Variants in FBP2 observed in about 807,000 individuals in gnomAD.
FBP2 encodes fructose-1,6-bisphosphatase isozyme 2.
In FBP2, 27 loss-of-function variants were observed where a neutral mutation model predicts 31.6. The observed-to-expected ratio is 0.85, with a 90% CI of 0.63 to 1.18. The LOEUF is 1.18. Ranked by LOEUF, FBP2 falls within the 50% of genes most tolerant of loss-of-function variation. The pLI, the probability that FBP2 is intolerant of heterozygous loss-of-function variation, is 0.00. For missense variants in FBP2, 421 were observed against 436.1 expected (o/e 0.97, Z 0.31); for synonymous variants, 168 against 179.8 (o/e 0.93, Z 0.53).
chr9:94,561,393 C>T, intron 6 of FBP2, among the ~76,000 whole-genome samples: 1 of 110,222 alleles, frequency 9.1e-6, no homozygotes, highest in Non-Finnish European at 1.7e-5. Context: ...GATGGAATCT[C>T]ACTCTGTCAC....
Position 94,584,598 on chromosome 9 carries a change from G to T in FBP2, c.405C>A (p.Thr135=), listed in dbSNP as rs1827405755. 3 of 1,612,092 alleles carry T rather than the reference G, an allele frequency of 1.9e-6. No individual in the cohort carries two copies. The highest frequency in any genetic ancestry group is 2.5e-6 in the Non-Finnish European group (3 of 1,178,276). The part of the protein sequence containing the change: ...SNIDCLASIG[T]IFAIYRKTSE... Reference sequence around the variant, plus strand: ...TCACCTTTCTATAGATGGCAAAGATGGTTCCGATGGAGGCCAGGCAGTCAA... The same window carrying T: ...TCACCTTTCTATAGATGGCAAAGATTGTTCCGATGGAGGCCAGGCAGTCAA... Residue 135 remains threonine (T), a synonymous_variant, in exon 3 of 7, where the codon ACC becomes ACA. Transcript: ENST00000375337.
rs748384122 is a variant in FBP2, at chr9:94,559,070, C to T, written c.888G>A (p.Ala296=). 10 of 1,613,932 alleles carry T rather than the reference C, an allele frequency of 6.2e-6. No homozygotes were observed. The highest frequency in any genetic ancestry group is 4.5e-5 in the East Asian group (2 of 44,872). ...CCAGTACAGGCTGGGTCCCCGTGGT[C>T]GCCAAGCCTCCTGCCTGCTCAATGA... ...AYIIEQAGGL[A]TTGTQPVLDV... Residue 296 remains alanine (A), a synonymous_variant, in exon 7 of 7, where the codon GCG becomes GCA. Coordinates refer to ENST00000375337, the MANE Select transcript of FBP2 (RefSeq NM_003837.4).
intron 2 of FBP2, 36 bp from the exon 3 acceptor site, chr9:94,584,705 A>C: frequency 7.8e-7 from 1 of 1,288,344 alleles, no homozygotes; most frequent in Non-Finnish European, 1.1e-6. Flanking sequence ...TGATCAGCAC[A>C]TCTTCCCATT....
rs757326508 is a variant in FBP2 at position 94,567,453 on chromosome 9, A to G, written c.568-46T>C. ...GCCAGGAAGAAGAGAGAAGCCAGGA[A>G]ACAAGCCAACCGCACAATCCCCACA... is the stretch of plus-strand genomic sequence containing the variant. On this transcript the variant is annotated intron_variant, in intron 4 of 6. Coordinates refer to ENST00000375337, the MANE Select transcript of FBP2 (RefSeq NM_003837.4). The G allele has an allele frequency of 7.1e-6, 11 of 1,557,572 alleles. No individual in the cohort carries two copies. In the Admixed American group the frequency reaches 1.9e-4, roughly 27 times the overall value.
intron 3 of FBP2, among the ~76,000 whole-genome samples, chr9:94,583,187 C>G (rs1827391091): frequency 6.6e-6 from 1 of 152,120 alleles, no homozygotes; most frequent in Non-Finnish European, 1.5e-5. Flanking sequence ...AACCTGTTGT[C>G]AAGCCCCACA....
chr9:94,577,317 G>A (rs1425228460), intron 3 of FBP2: 1 of 152,106 alleles, frequency 6.6e-6, no homozygotes, highest in Non-Finnish European at 1.5e-5. Context: ...GTTCAGCCTT[G>A]AAGGAGAAAA....
intron 4 of FBP2, chr9:94,569,310 C>T (rs1827239508): frequency 6.6e-6 from 1 of 152,312 alleles, no homozygotes; most frequent in South Asian, 2.1e-4. Context: ...TTCCTGCTTC[C>T]TGGTCCTCTA....
chr9:94,591,420 G>C (rs950150009), intron 1 of FBP2, among the ~76,000 whole-genome samples: 1 of 152,236 alleles, frequency 6.6e-6, no homozygotes, highest in Non-Finnish European at 1.5e-5. Context: ...GGCCAGCAGG[G>C]CTGGCTGGCT....
intron 1 of FBP2, among the ~76,000 whole-genome samples, chr9:94,590,571 G>A (rs1036485080): frequency 6.6e-6 from 1 of 152,118 alleles, no homozygotes; most frequent in Non-Finnish European, 1.5e-5. Flanking sequence ...GGAGTTGTTC[G>A]TTCCTCCCAG....
chr9:94,560,131 G>A (rs1816185978), intron 6 of FBP2, among the ~76,000 whole-genome samples: 1 of 152,114 alleles, frequency 6.6e-6, no homozygotes, highest in Admixed American at 6.6e-5. Flanking sequence ...TCTCAAAAAC[G>A]AAGAAAGTGT....
intron 1 of FBP2, among the ~76,000 whole-genome samples, chr9:94,593,063 C>T (rs1316647161): frequency 6.6e-6 from 1 of 152,196 alleles, no homozygotes; most frequent in Non-Finnish European, 1.5e-5. Flanking sequence ...GCCAGCAAAA[C>T]ACTCCTTTAG....
At chr9:94,587,157 C>T (rs1284695386) in intron 2 of FBP2, 150 bp downstream of exon 2, 1 of 660,636 alleles carries the variant, frequency 1.5e-6, no homozygotes, top group African/African-American at 1.9e-5. Flanking sequence ...ACAAGATTTC[C>T]AAGTAGAGAA....
chr9:94,587,412 C>T lies in FBP2; in HGVS notation c.228G>A (p.Val76=). ...VTGDEVKKLD[V]LSNSLVINMV... is the part of the protein sequence containing the mutation. ...TGTTGATCACCAGGGAATTGGATAGCACATCCAGTTTCTTCACCTCATCTC... is the reference window on the plus strand; with the variant it reads ...TGTTGATCACCAGGGAATTGGATAGTACATCCAGTTTCTTCACCTCATCTC... The change falls in exon 2 of 7, where the codon GTG becomes GTA. Residue 76 remains valine (V), a synonymous_variant. Transcript: ENST00000375337. The T allele has an allele frequency of 6.2e-7, 1 of 1,613,838 alleles. No homozygotes were observed. Among genetic ancestry groups the T allele is most frequent in the Admixed American group, 1.7e-5 (1 of 60,016 alleles).
chr9:94,579,733 C>T (rs1339193682), intron 3 of FBP2, among the ~76,000 whole-genome samples: 2 of 152,156 alleles, frequency 1.3e-5, no homozygotes, highest in Non-Finnish European at 2.9e-5. Flanking sequence ...AGAAGTTTGG[C>T]TTTGCTGTGT....
At chr9:94,589,812 A>G (rs1265266554) in intron 1 of FBP2, among the ~76,000 whole-genome samples, 1 of 151,434 alleles carries the variant, frequency 6.6e-6, no homozygotes, top group Admixed American at 6.6e-5. Flanking sequence ...GTCTTGGAAA[A>G]CACTCCTAGC....
intron 1 of FBP2, among the ~76,000 whole-genome samples, chr9:94,589,782 C>G (rs1042630057): frequency 1.3e-5 from 2 of 150,898 alleles, no homozygotes; most frequent in South Asian, 4.3e-4. Context: ...TCTGAGGAAC[C>G]ATGACGTGAG....
intron 3 of FBP2, among the ~76,000 whole-genome samples, chr9:94,572,537 G>A (rs2131451568): frequency 6.6e-6 from 1 of 152,284 alleles, no homozygotes; most frequent in South Asian, 2.1e-4. Flanking sequence ...TGAGCACTCA[G>A]AGCTGCTTCT....
At chr9:94,565,368 C>CAAA (rs369180827) in intron 5 of FBP2, among the ~76,000 whole-genome samples, 11 of 46,578 alleles carry the variant, frequency 2.4e-4, no homozygotes, top group Admixed American at 9.4e-4. Context: ...GACTCCACCT[C>CAAA]AAAAAAAAAA....
chr9:94,562,772 T>G (rs1216565351), intron 6 of FBP2, among the ~76,000 whole-genome samples: 2 of 152,208 alleles, frequency 1.3e-5, no homozygotes, highest in East Asian at 3.8e-4. Flanking sequence ...ATTTTAAGTT[T>G]TGCATCATTA....
Sources: allele counts gnomAD v4.1 joint callset (sites outside exome capture counted in the v4.1 genomes callset), GRCh38; gene constraint gnomAD v4.1.1; transcripts MANE v1.5; gene names NCBI Gene and HGNC (gene_info 2026-07-23, HGNC 2026-07-21).